The following CYRIB variants were observed in gnomAD, a reference collection of about 807,000 sequenced individuals.
The protein encoded by CYRIB is CYFIP-related Rac1 interactor B.
In CYRIB, 8 loss-of-function variants were observed where a neutral mutation model predicts 44.2. That is an observed-to-expected ratio of 0.18 (90% CI 0.11 to 0.33). CYRIB has a LOEUF of 0.33. Among genes scored for constraint, CYRIB ranks in the 10% least tolerant of loss-of-function variants. The probability of loss-of-function intolerance (pLI) is 1.00; values close to 1 mark genes in which losing one functional copy is unlikely to be tolerated. For missense variants in CYRIB, 185 were observed against 382.8 expected, an observed-to-expected ratio of 0.48 and a Z score of 4.31; for synonymous variants, 131 against 127.2, an observed-to-expected ratio of 1.03 and a Z score of -0.20.
intron 7 of CYRIB, among the ~76,000 whole-genome samples, chr8:129,853,232 T>C (rs138234117): frequency 3.9e-5 from 6 of 152,306 alleles, no homozygotes; most frequent in African/African-American, 1.4e-4. Flanking sequence ...ATGGGTATAG[T>C]ATAGGATTGG....
At chr8:129,966,228 A>G (rs2095474370) in intron 2 of CYRIB, among the ~76,000 whole-genome samples, 1 of 152,238 alleles carries the variant, frequency 6.6e-6, no homozygotes, top group African/African-American at 2.4e-5. Flanking sequence ...TGCAATGAGT[A>G]TATGTTACAT....
At chr8:129,893,649 T>C (rs535495052) in intron 2 of CYRIB, among the ~76,000 whole-genome samples, 19 of 152,306 alleles carry the variant, frequency 1.2e-4, no homozygotes, top group African/African-American at 4.6e-4. Context: ...CCCAACCTCT[T>C]TCAATCAACT....
Position 129,865,285 on chromosome 8 carries a change from C to A in CYRIB, c.196-2951G>T, listed in dbSNP as rs541592413. On this transcript the variant is annotated intron_variant, in intron 4 of 11. Transcript: ENST00000519824. Reference sequence around the variant, plus strand: ...TGGTGCAGGAGGTTTAAAATAAATTCTTTAACTAGCTCTGCAGATTTGTCT... The same window carrying A: ...TGGTGCAGGAGGTTTAAAATAAATTATTTAACTAGCTCTGCAGATTTGTCT... Among the ~76,000 whole-genome samples, 124 of 152,272 alleles carry A rather than the reference C, an allele frequency of 8.1e-4. 2 individuals carry two copies. Among genetic ancestry groups the A allele is most frequent in the African/African-American group, 2.9e-3 (119 of 41,560 alleles).
In CYRIB at chr8:129,869,092, G is replaced by C. The variant is rs192282683; in HGVS notation, c.195+2283C>G. Among the ~76,000 whole-genome samples the C allele has an allele frequency of 5.1e-3, 760 of 148,778 alleles. 7 individuals are homozygous for C. The highest frequency in any genetic ancestry group is 9.2e-3 in the Non-Finnish European group (614 of 66,988). On this transcript the variant is annotated intron_variant, in intron 4 of 11. Transcript: ENST00000519824. ...AAAAAGAAGAAAAAAAAATAAAGAA[G>C]AAAGAAAAAAAGGCTGGGCGCGGTG...
intron 2 of CYRIB, among the ~76,000 whole-genome samples, chr8:129,960,650 A>G (rs1322474552): frequency 6.7e-5 from 8 of 118,648 alleles, no homozygotes; most frequent in African/African-American, 1.9e-4. Flanking sequence ...CTGTCTCAAG[A>G]AAAAAAAAAA....
chr8:129,996,914 T>C (rs1261652093), intron 1 of CYRIB, among the ~76,000 whole-genome samples: 2 of 152,024 alleles, frequency 1.3e-5, no homozygotes, highest in Non-Finnish European at 2.9e-5. Flanking sequence ...AAACAAATAT[T>C]TACTGAACAC....
At chr8:129,902,579 C>T (rs1436451876) in intron 2 of CYRIB, among the ~76,000 whole-genome samples, 2 of 152,002 alleles carry the variant, frequency 1.3e-5, no homozygotes, top group African/African-American at 2.4e-5. Context: ...TGCAGTGATG[C>T]AATCTTGGCT....
intron 2 of CYRIB, among the ~76,000 whole-genome samples, chr8:129,959,466 G>A (rs1444646918): frequency 1.3e-5 from 2 of 152,056 alleles, no homozygotes; most frequent in African/African-American, 2.4e-5. Flanking sequence ...CCCTTCTCAG[G>A]AACCGTACTA....
intron 11 of CYRIB, chr8:129,843,999 T>A (rs1470169394): frequency 6.6e-6 from 1 of 152,200 alleles, no homozygotes; most frequent in Non-Finnish European, 1.5e-5. Context: ...TGACATTAAA[T>A]GCTAAGTGAT....
chr8:129,863,301 C>T (rs1360953715), intron 4 of CYRIB, among the ~76,000 whole-genome samples: 5 of 151,992 alleles, frequency 3.3e-5, no homozygotes, highest in Admixed American at 6.6e-5. Flanking sequence ...CTGAGGCAGG[C>T]GGATCACAAG....
intron 1 of CYRIB, among the ~76,000 whole-genome samples, chr8:129,980,055 C>T (rs2096145487): frequency 6.6e-6 from 1 of 152,056 alleles, no homozygotes; most frequent in Admixed American, 6.6e-5. Flanking sequence ...GCCTACCACA[C>T]TCCTGGCATA....
At position 129,961,303 on chromosome 8, in the gene CYRIB, G is replaced by A. The variant is rs563775043; in HGVS notation, c.-243+9640C>T. On this transcript the variant is annotated intron_variant, in intron 2 of 14. Transcript: ENST00000401979. ...TCTGCTCTGGGGTTCAGAAACGGGA[G>A]TCATCATATGGACAGAGTGGTGGGA... Among the ~76,000 whole-genome samples the A allele has an allele frequency of 6.6e-5, 10 of 152,300 alleles. No individual in the cohort carries two copies. The South Asian group carries it at 1.9e-3, about 28-fold the overall frequency.
chr8:129,988,626 G>A (rs185068461), intron 1 of CYRIB, among the ~76,000 whole-genome samples: 48 of 152,216 alleles, frequency 3.2e-4, no homozygotes, highest in South Asian at 1.0e-3. Flanking sequence ...CCCTGTGGGC[G>A]TTGGATAAAT....
intron 4 of CYRIB, chr8:129,868,700 T>A (rs923806892): frequency 1.1e-4 from 17 of 151,932 alleles, no homozygotes; most frequent in African/African-American, 3.6e-4. Flanking sequence ...CCCCAGAAAG[T>A]CTCTTTGATA....
intron 1 of CYRIB, among the ~76,000 whole-genome samples, chr8:129,908,010 A>G (rs908671806): frequency 1.3e-5 from 2 of 152,152 alleles, no homozygotes; most frequent in Admixed American, 6.5e-5. Flanking sequence ...CAAAAAATAA[A>G]TAAGTAAGTA....
chr8:129,922,947 C>T (rs1485193191), intron 1 of CYRIB, among the ~76,000 whole-genome samples: 2 of 134,288 alleles, frequency 1.5e-5, no homozygotes, highest in Admixed American at 7.5e-5. Flanking sequence ...AAAAATTCTC[C>T]GGCCGGGCGC....
At chr8:130,000,488 T>G (rs1592184049) in intron 1 of CYRIB, among the ~76,000 whole-genome samples, 1 of 151,846 alleles carries the variant, frequency 6.6e-6, no homozygotes, top group African/African-American at 2.4e-5. Flanking sequence ...AGGTCAGGAG[T>G]TCGAGACCAG....
intron 10 of CYRIB, among the ~76,000 whole-genome samples, chr8:129,848,953 C>T (rs74883917): frequency 0.022 from 3,409 of 152,222 alleles, 141 homozygotes; most frequent in African/African-American, 0.076. Flanking sequence ...AAGGATATGA[C>T]TCAAAATTCC....
chr8:129,891,316 G>A (rs1489454914), intron 2 of CYRIB, among the ~76,000 whole-genome samples: 1 of 152,140 alleles, frequency 6.6e-6, no homozygotes, highest in Non-Finnish European at 1.5e-5. Context: ...AAAATCCCTC[G>A]TTTTCTTTCT....
Sources: allele counts gnomAD v4.1 joint callset (sites outside exome capture counted in the v4.1 genomes callset), GRCh38; gene constraint gnomAD v4.1.1; transcripts MANE v1.5; gene names NCBI Gene and HGNC (gene_info 2026-07-23, HGNC 2026-07-21).